Variants in ROBO2 observed in about 807,000 individuals in gnomAD.
ROBO2 encodes roundabout guidance receptor 2.
Under a neutral mutation model 160.8 loss-of-function variants are expected in ROBO2, and 53 were observed. That is an observed-to-expected ratio of 0.33 (90% CI 0.26 to 0.41). The LOEUF (loss-of-function observed/expected upper bound fraction) is 0.41, where lower values mean the gene tolerates loss of function less well. ROBO2 is among the 10% of genes least tolerant of loss of function. ROBO2 has a pLI of 1.00. For synonymous variants in ROBO2, 664 were observed against 611.7 expected (o/e 1.09, Z -1.26); for missense variants, 1,577 against 1,722.4 (o/e 0.92, Z 1.49).
chr3:77,221,815 C>A (rs1324935605), intron 2 of ROBO2, among the ~76,000 whole-genome samples: 3 of 151,762 alleles, frequency 2.0e-5, no homozygotes, highest in African/African-American at 4.8e-5. Context: ...AAATTGATAG[C>A]CCAATGGACT....
At chr3:77,241,493 C>CAAAAT (rs2089029890) in intron 2 of ROBO2, among the ~76,000 whole-genome samples, 1 of 152,178 alleles carries the variant, frequency 6.6e-6, no homozygotes, top group South Asian at 2.1e-4. Flanking sequence ...AGTTTGTGCT[C>CAAAAT]CTTAATGATA....
intron 2 of ROBO2, among the ~76,000 whole-genome samples, chr3:76,580,249 A>AT (rs1253950959): frequency 7.7e-6 from 1 of 130,222 alleles, no homozygotes; most frequent in Admixed American, 7.6e-5. Context: ...AATTTGATTA[A>AT]TTTTTTATTT....
Position 75,922,298 on chromosome 3 carries a change from A to G in ROBO2, c.-13-15183A>G, listed in dbSNP as rs371399750. On this transcript the variant is annotated intron_variant, in intron 1 of 26. Transcript: ENST00000487694. ...TTTCAGAATATAAAGAAAAAATACC[A>G]TAGACAAATATCACTTGCAACATTA... 9.8e-5 allele frequency among the ~76,000 whole-genome samples: 15 copies of G among 152,286 alleles called. No homozygotes were observed. In the East Asian group the frequency reaches 1.7e-3, roughly 18 times the overall value.
rs1424498653 is a variant in ROBO2, at chr3:76,064,632, T to C, written c.109+127030T>C. Among the ~76,000 whole-genome samples, 4 of 152,288 alleles carry C rather than the reference T, an allele frequency of 2.6e-5. No homozygotes were observed. In the East Asian group the frequency reaches 7.7e-4, roughly 29 times the overall value. Reference sequence around the variant, plus strand: ...TAATTACTTTTATTCCTTTAGCAAATATAGGTACATCTGAATCAGGTCTTT... The same window carrying C: ...TAATTACTTTTATTCCTTTAGCAAACATAGGTACATCTGAATCAGGTCTTT... On this transcript the variant is annotated intron_variant, in intron 2 of 26. Transcript: ENST00000487694.
At chr3:76,698,536 C>T (rs902037880) in intron 2 of ROBO2, among the ~76,000 whole-genome samples, 1 of 152,130 alleles carries the variant, frequency 6.6e-6, no homozygotes, top group African/African-American at 2.4e-5. Context: ...TCTCTGGAGC[C>T]AAGCCAGTGT....
intron 20 of ROBO2, among the ~76,000 whole-genome samples, chr3:77,607,290 T>C (rs2153695807): frequency 6.6e-6 from 1 of 152,360 alleles, no homozygotes; most frequent in Middle Eastern, 3.4e-3. Flanking sequence ...GGTATTTTCC[T>C]GATTGTAGCT....
At chr3:76,686,981 T>C (rs1205956863) in intron 2 of ROBO2, among the ~76,000 whole-genome samples, 1 of 152,096 alleles carries the variant, frequency 6.6e-6, no homozygotes, top group Non-Finnish European at 1.5e-5. Context: ...CTTTAATATG[T>C]GTTAAATGTG....
chr3:76,195,894 C>G (rs1341442644), intron 2 of ROBO2, among the ~76,000 whole-genome samples: 3 of 152,024 alleles, frequency 2.0e-5, no homozygotes, highest in Admixed American at 6.6e-5. Flanking sequence ...CCACTTACGT[C>G]TTAGCCACAT....
chr3:77,410,157 A>G (rs753704754), intron 2 of ROBO2, among the ~76,000 whole-genome samples: 1 of 152,192 alleles, frequency 6.6e-6, no homozygotes. Flanking sequence ...TTGAATTAAC[A>G]GTGAATAAAG....
rs578209792 is a variant in ROBO2 at position 76,992,105 on chromosome 3, T to C, written c.110-105909T>C. 4.6e-5 allele frequency among the ~76,000 whole-genome samples: 7 copies of C among 151,980 alleles called. No homozygotes were observed. The East Asian group carries it at 1.4e-3, about 30-fold the overall frequency. On this transcript the variant is annotated intron_variant, in intron 2 of 26. Transcript: ENST00000487694. ...TGTTCCAAGAAAATTTACTATCCTG[T>C]AGTATAAGCATAACACATTGTTAGA...
intron 2 of ROBO2, among the ~76,000 whole-genome samples, chr3:77,378,977 C>A (rs987980716): frequency 6.7e-6 from 1 of 149,078 alleles, no homozygotes; most frequent in Non-Finnish European, 1.5e-5. Flanking sequence ...GATGGAGTTT[C>A]GCTCTTGTTG....
At chr3:75,985,418 C>T (rs2065388661) in intron 2 of ROBO2, among the ~76,000 whole-genome samples, 1 of 151,514 alleles carries the variant, frequency 6.6e-6, no homozygotes, top group African/African-American at 2.4e-5. Flanking sequence ...ATATTATAGA[C>T]AATTGTAAGA....
intron 1 of ROBO2, among the ~76,000 whole-genome samples, chr3:75,935,859 T>C (rs1243057785): frequency 6.6e-6 from 1 of 152,168 alleles, no homozygotes; most frequent in Non-Finnish European, 1.5e-5. Context: ...TCGTCCTGTT[T>C]TGTCTCAGTC....
At chr3:76,678,611 A>C (rs2106862126) in intron 2 of ROBO2, among the ~76,000 whole-genome samples, 1 of 152,248 alleles carries the variant, frequency 6.6e-6, no homozygotes, top group South Asian at 2.1e-4. Context: ...TGTTTTTACA[A>C]TTACTCTTTA....
chr3:76,404,786 C>G (rs1334202172), intron 2 of ROBO2, among the ~76,000 whole-genome samples: 1 of 151,388 alleles, frequency 6.6e-6, no homozygotes, highest in African/African-American at 2.4e-5. Context: ...CAGTGCTAAG[C>G]TTTCTAATAT....
chr3:76,933,821 T>A (rs2077507218), intron 2 of ROBO2, among the ~76,000 whole-genome samples: 1 of 152,216 alleles, frequency 6.6e-6, no homozygotes, highest in Non-Finnish European at 1.5e-5. Flanking sequence ...ACAATTATAG[T>A]GATTATTATA....
At chr3:76,096,313 C>A (rs1215072110) in intron 2 of ROBO2, among the ~76,000 whole-genome samples, 1 of 151,958 alleles carries the variant, frequency 6.6e-6, no homozygotes, top group Non-Finnish European at 1.5e-5. Flanking sequence ...ACTTGGGTAA[C>A]AAGAATATTC....
chr3:77,051,231 A>G (rs1484617523), intron 1 of ROBO2, among the ~76,000 whole-genome samples: 1 of 152,172 alleles, frequency 6.6e-6, no homozygotes, highest in East Asian at 1.9e-4. Context: ...GAAAGCCTGA[A>G]TAATGTCAAC....
intron 2 of ROBO2, among the ~76,000 whole-genome samples, chr3:76,354,038 C>G (rs1028843836): frequency 6.6e-6 from 1 of 151,848 alleles, no homozygotes; most frequent in South Asian, 2.1e-4. Context: ...ACATCTGTTT[C>G]CCTAGTTGTT....
Sources: gnomAD v4.1 joint callset for allele counts (sites outside exome capture counted in the v4.1 genomes callset) on GRCh38, gnomAD v4.1.1 for gene constraint, MANE v1.5 for transcripts, NCBI Gene and HGNC (gene_info 2026-07-23, HGNC 2026-07-21) for gene names.